LRRN1: variants seen among roughly 807,000 people sequenced by gnomAD.
LRRN1 encodes the protein leucine rich repeat neuronal 1.
A neutral mutation model predicts 45.8 loss-of-function variants in LRRN1; 14 were observed. That is an observed-to-expected ratio of 0.31 (90% confidence interval 0.20 to 0.48). The LOEUF (loss-of-function observed/expected upper bound fraction) is 0.48, where lower values mean the gene tolerates loss of function less well. Ranked by LOEUF, LRRN1 falls within the 20% of genes least tolerant of loss-of-function variation. The pLI, the probability that LRRN1 is intolerant of heterozygous loss-of-function variation, is 0.99. For synonymous variants in LRRN1, 359 were observed against 330.1 expected (o/e 1.09, Z -0.95); for missense variants, 789 against 874.2 (o/e 0.90, Z 1.23).
chr3:3,846,762 C>T lies in LRRN1; in HGVS notation c.2121C>T (p.Val707=), dbSNP rs746040945. The T allele has an allele frequency of 5.0e-6, 8 of 1,611,894 alleles. No homozygotes were observed. The Admixed American group carries it at 6.7e-5, about 14-fold the overall frequency. Residue 707 remains valine (V), a synonymous_variant, in exon 2 of 2, where the codon GTC becomes GTT. Coordinates refer to ENST00000319331, the MANE Select transcript of LRRN1 (RefSeq NM_020873.7). This position sits in a 1 kb window ranked among gnomAD's most constrained non-coding sequence, Gnocchi z 5.7. ...CTGCAGACACCAAGCCAACCCAGGT[C>T]GACACATCCAGAAGCTATTACATGT... is the stretch of plus-strand genomic sequence containing the variant. ...DGSADTKPTQ[V]DTSRSYYMW
rs745627734 is a variant in LRRN1 at position 3,846,312 on chromosome 3, G to T, written c.1671G>T (p.Ser557=). ...SNVMTSNLKW[S]SATMKIDNPH... is the part of the protein sequence containing the mutation. ...TCATGACGTCAAACTTAAAATGGTC[G>T]TCTGCCACCATGAAGATTGATAACC... The change falls in exon 2 of 2, where the codon TCG becomes TCT. Residue 557 remains serine, a synonymous_variant. Transcript: ENST00000319331. This position sits in a 1 kb window ranked among gnomAD's most constrained non-coding sequence, Gnocchi z 5.7. 1.2e-6 allele frequency: 2 copies of T among 1,613,794 alleles called. No homozygotes were observed. The highest frequency in any genetic ancestry group is 2.7e-5 in the African/African-American group (2 of 74,892).
At chr3:3,809,966 G>T (rs1692842147) in intron 1 of LRRN1, among the ~76,000 whole-genome samples, 1 of 152,154 alleles carries the variant, frequency 6.6e-6, no homozygotes, top group South Asian at 2.1e-4. Flanking sequence ...GGGACAAGAA[G>T]ACTCAGACTA....
intron 1 of LRRN1, among the ~76,000 whole-genome samples, chr3:3,812,780 G>C (rs1457713141): frequency 6.9e-6 from 1 of 144,202 alleles, no homozygotes; most frequent in Non-Finnish European, 1.5e-5. Flanking sequence ...GTGGCTTTGA[G>C]CATGCTGATT....
rs1257165945 is a variant in LRRN1, at chr3:3,848,656, A to G, written c.*1864A>G. On this transcript the variant is annotated 3_prime_UTR_variant, in exon 2 of 2. Coordinates refer to ENST00000319331, the MANE Select transcript of LRRN1 (RefSeq NM_020873.7). Reference sequence around the variant, plus strand: ...ACAAATGAGCTGCAACAGAAAAATAAGTACCTGAGCTCGAGGTATCCCTTC... The same window carrying G: ...ACAAATGAGCTGCAACAGAAAAATAGGTACCTGAGCTCGAGGTATCCCTTC... Among the ~76,000 whole-genome samples the G allele has an allele frequency of 6.6e-6, 1 of 152,228 alleles. No individual in the cohort carries two copies. The highest frequency in any genetic ancestry group is 2.4e-5 in the African/African-American group (1 of 41,460).
At chr3:3,815,015 C>CT (rs1224756534) in intron 1 of LRRN1, among the ~76,000 whole-genome samples, 2 of 152,056 alleles carry the variant, frequency 1.3e-5, no homozygotes, top group Non-Finnish European at 2.9e-5. Context: ...CTGTTTTCTT[C>CT]TAAGTCTCTG....
rs905824052 is a variant in LRRN1, at chr3:3,848,040, C to T, written c.*1248C>T. On this transcript the variant is annotated 3_prime_UTR_variant, in exon 2 of 2. Coordinates refer to ENST00000319331, the MANE Select transcript of LRRN1 (RefSeq NM_020873.7). ...ATTTCTGTAAGAGTTTTGTTAAAAC[C>T]TGATTTTCTTTTGTAGTATCCACAT... Among the ~76,000 whole-genome samples the T allele has an allele frequency of 6.6e-6, 1 of 151,940 alleles. No homozygotes were observed. The highest frequency in any genetic ancestry group is 1.9e-4 in the East Asian group (1 of 5,180).
chr3:3,835,507 G>C (rs1482362983), intron 1 of LRRN1, among the ~76,000 whole-genome samples: 1 of 151,878 alleles, frequency 6.6e-6, no homozygotes, highest in Admixed American at 6.6e-5. Flanking sequence ...CATCTAGTAA[G>C]TGGAGAAGCA....
At chr3:3,841,245 C>T (rs1430039084) in intron 1 of LRRN1, among the ~76,000 whole-genome samples, 2 of 143,932 alleles carry the variant, frequency 1.4e-5, no homozygotes, top group Admixed American at 7.2e-5. Context: ...GAGCCGAGAT[C>T]GCACCACTGC....
chr3:3,829,150 C>T (rs1693306681), intron 1 of LRRN1, among the ~76,000 whole-genome samples: 1 of 152,040 alleles, frequency 6.6e-6, no homozygotes, highest in South Asian at 2.1e-4. Flanking sequence ...CTCCTGTATT[C>T]CATGCATACT....
chr3:3,802,778 G>A (rs147177716), intron 1 of LRRN1, among the ~76,000 whole-genome samples: 7 of 152,274 alleles, frequency 4.6e-5, no homozygotes, highest in Non-Finnish European at 8.8e-5. Context: ...GAGTTGAAGG[G>A]TAACTTAAAA....
intron 1 of LRRN1, among the ~76,000 whole-genome samples, chr3:3,811,973 T>C (rs1692880962): frequency 6.6e-6 from 1 of 152,220 alleles, no homozygotes; most frequent in Non-Finnish European, 1.5e-5. Context: ...AAAGACTCAA[T>C]TTATTGACCG....
At chr3:3,835,866 A>G (rs1426173780) in intron 1 of LRRN1, among the ~76,000 whole-genome samples, 2 of 144,482 alleles carry the variant, frequency 1.4e-5, no homozygotes, top group African/African-American at 5.3e-5. Context: ...ATCGTGTTGG[A>G]AAAAAAAAAA....
rs1242464868 is a variant in LRRN1, at chr3:3,849,423, G to T, written c.*2631G>T. Among the ~76,000 whole-genome samples, 1 of 152,166 alleles carries T rather than the reference G, an allele frequency of 6.6e-6. No individual in the cohort carries two copies. The highest frequency in any genetic ancestry group is 1.5e-5 in the Non-Finnish European group (1 of 68,020). Reference sequence around the variant, plus strand: ...ATTTTCAGCTGATAGAAAACAAAATGATAGAGTACTTTTTTCCTTGGCCAA... The same window carrying T: ...ATTTTCAGCTGATAGAAAACAAAATTATAGAGTACTTTTTTCCTTGGCCAA... On this transcript the variant is annotated 3_prime_UTR_variant, in exon 2 of 2. Coordinates refer to ENST00000319331, the MANE Select transcript of LRRN1 (RefSeq NM_020873.7).
chr3:3,808,313 G>A (rs1324663752), intron 1 of LRRN1, among the ~76,000 whole-genome samples: 2 of 152,178 alleles, frequency 1.3e-5, no homozygotes, highest in Non-Finnish European at 2.9e-5. Context: ...AACACCTTAT[G>A]TGCATTAACT....
At chr3:3,837,179 C>G (rs1693538237) in intron 1 of LRRN1, among the ~76,000 whole-genome samples, 1 of 152,212 alleles carries the variant, frequency 6.6e-6, no homozygotes, top group Admixed American at 6.5e-5. Flanking sequence ...GATGCCGGCC[C>G]AGGCAGGTGG....
intron 1 of LRRN1, among the ~76,000 whole-genome samples, chr3:3,834,525 G>GAGATATATATATATATATATAT (rs750534210): frequency 4.8e-4 from 13 of 27,328 alleles, no homozygotes; most frequent in African/African-American, 1.1e-3. Context: ...GACAGAACAG[G>GAGATATATATATATATATATAT]ATATATATAT....
At chr3:3,842,180 G>T (rs1693665988) in intron 1 of LRRN1, among the ~76,000 whole-genome samples, 3 of 152,112 alleles carry the variant, frequency 2.0e-5, no homozygotes, top group African/African-American at 7.2e-5. Context: ...AACTGTATGG[G>T]ACTACCATTG....
chr3:3,810,624 C>G (rs1692852437), intron 1 of LRRN1, among the ~76,000 whole-genome samples: 1 of 152,148 alleles, frequency 6.6e-6, no homozygotes, highest in South Asian at 2.1e-4. Flanking sequence ...GGAGGATCAC[C>G]TGAACCCAGG....
intron 1 of LRRN1, among the ~76,000 whole-genome samples, chr3:3,817,521 A>C (rs1207926371): frequency 6.6e-6 from 1 of 152,190 alleles, no homozygotes; most frequent in Non-Finnish European, 1.5e-5. Flanking sequence ...TCTGCCTTCA[A>C]ATTTTAAAGG....
Sources: gnomAD v4.1 joint callset for allele counts (sites outside exome capture counted in the v4.1 genomes callset) on GRCh38, gnomAD v4.1.1 for gene constraint, Gnocchi (gnomAD v3.1) non-coding constraint, MANE v1.5 for transcripts, NCBI Gene and HGNC (gene_info 2026-07-23, HGNC 2026-07-21) for gene names.